Variants in CTBP1 observed in about 807,000 individuals in gnomAD.
CTBP1 encodes C-terminal binding protein 1.
A neutral mutation model predicts 42.1 loss-of-function variants in CTBP1; 11 were observed. That is an observed-to-expected ratio of 0.26 (90% CI 0.16 to 0.43). CTBP1 has a LOEUF of 0.43. Among genes scored for constraint, CTBP1 ranks in the 20% least tolerant of loss-of-function variants. The probability of loss-of-function intolerance (pLI) is 1.00; values close to 1 mark genes in which losing one functional copy is unlikely to be tolerated. For missense variants in CTBP1, 399 were observed against 624.3 expected, an observed-to-expected ratio of 0.64 and a Z score of 3.85; for synonymous variants, 324 against 277.1, an observed-to-expected ratio of 1.17 and a Z score of -1.68.
At position 1,216,083 on chromosome 4, in the gene CTBP1, G is replaced by C. The variant is rs749461434; in HGVS notation, c.637C>G (p.Gln213Glu). 1 of 1,611,570 alleles carries C rather than the reference G, an allele frequency of 6.2e-7. No individual in the cohort carries two copies. The highest frequency in any genetic ancestry group is 8.5e-7 in the Non-Finnish European group (1 of 1,179,916). The change falls in exon 6 of 10, where the codon CAG becomes GAG. Residue 213 changes from glutamine (Q) to glutamate (E), a missense_variant. By Grantham distance (29) the Gln-to-Glu change is conservative (BLOSUM62 2). This residue lies in a region of CTBP1 where 309 missense variants were observed against 497.5 expected (regional missense o/e 0.62). Transcript: ENST00000382952. ...ALGLQRVSTL[Q>E]DLLFHSDCVT... is the part of the protein sequence containing the mutation. ...CAGTCGCTGTGGAAGAGCAGGTCCT[G>C]CAGGGTGCTGACACGCTGCAGCCCC...
At chr4:1,226,850 C>A (rs1410406808) in intron 4 of CTBP1, among the ~76,000 whole-genome samples, 1 of 151,786 alleles carries the variant, frequency 6.6e-6, no homozygotes, top group Non-Finnish European at 1.5e-5. Context: ...GAAGCCAGTG[C>A]AGGAGACCCC....
chr4:1,244,363 G>GGGGT (rs1178936580), intron 1 of CTBP1: 5 of 984,082 alleles, frequency 5.1e-6, no homozygotes, highest in Non-Finnish European at 6.0e-6. Context: ...CTGGGGGGGG[G>GGGGT]GTGTTCCAGG....
intron 1 of CTBP1, chr4:1,243,289 T>C (rs2170321): frequency 4.1e-6 from 4 of 985,196 alleles, no homozygotes; most frequent in Admixed American, 6.2e-5. Context: ...AAGGCCACCC[T>C]GGCCCTCCTG....
At chr4:1,215,358 C>T (rs1427478300) in intron 6 of CTBP1, among the ~76,000 whole-genome samples, 1 of 152,254 alleles carries the variant, frequency 6.6e-6, no homozygotes, top group East Asian at 1.9e-4. Context: ...AACATGCAGA[C>T]ACATGCACCC....
At position 1,241,566 on chromosome 4, in the gene CTBP1, G is replaced by T. The variant is rs569145126; in HGVS notation, c.-188-47C>A. 1.1e-5 allele frequency: 16 copies of T among 1,522,678 alleles called. No homozygotes were observed. In the African/African-American group the frequency reaches 2.1e-4, roughly 20 times the overall value. The allele number at this position is 1,522,678 out of a possible 1,614,324, so 94.3% of individuals were successfully genotyped here. ...CACATTAAAATGCCATCGAAGGTCC[G>T]ACCAGAACTCACAGACTCCAGGGAA... On this transcript the variant is annotated intron_variant, in intron 1 of 9. Coordinates refer to ENST00000382952, the MANE Select transcript of CTBP1 (RefSeq NM_001012614.2).
chr4:1,248,758 C>T, intron 1 of CTBP1, 158 bp downstream of exon 1: 1 of 976,918 alleles, frequency 1.0e-6, no homozygotes, highest in Non-Finnish European at 1.2e-6. Flanking sequence ...CGCCCCCGAC[C>T]GCGGCCACGC....
rs182017336 is a variant in CTBP1, at chr4:1,215,804, T to C, written c.729+187A>G. ...GTATTTTAGATGTCCTGAGTAGAACTCAGAACACAGAAAACGCTGTCTGGG... is the reference window on the plus strand; with the variant it reads ...GTATTTTAGATGTCCTGAGTAGAACCCAGAACACAGAAAACGCTGTCTGGG... On this transcript the variant is annotated intron_variant, in intron 6 of 9. Coordinates refer to ENST00000382952, the MANE Select transcript of CTBP1 (RefSeq NM_001012614.2). 15 of 626,302 alleles carry C rather than the reference T, an allele frequency of 2.4e-5. No individual in the cohort carries two copies. The Admixed American group carries it at 4.3e-4, about 18-fold the overall frequency. 38.8% of individuals were successfully genotyped at this position (626,302 alleles called of 1,614,324 possible). A position where few individuals can be genotyped will look rare whatever the true frequency, so the allele number is the denominator to read the frequency against.
In CTBP1 at chr4:1,211,695, A is replaced by G. The variant is rs1340739576; in HGVS notation, c.*545T>C. 3 of 152,256 alleles carry G rather than the reference A, an allele frequency of 2.0e-5. No homozygotes were observed. Among genetic ancestry groups the G allele is most frequent in the Non-Finnish European group, 4.4e-5 (3 of 68,032 alleles). 9.4% of individuals were successfully genotyped at this position (152,256 alleles called of 1,614,324 possible). ...CTTCATTTGGAACAAGGGGGGGTTC[A>G]TGCCAAAATTAGGAAAAACAGCCTT... On this transcript the variant is annotated 3_prime_UTR_variant, in exon 10 of 10. Coordinates refer to ENST00000382952, the MANE Select transcript of CTBP1 (RefSeq NM_001012614.2).
intron 4 of CTBP1, 114 bp downstream of exon 4, chr4:1,228,085 C>A: frequency 6.9e-7 from 1 of 1,448,202 alleles, no homozygotes; most frequent in South Asian, 1.3e-5. Flanking sequence ...CCGCCAGCCA[C>A]ACCAGGCAAT....
upstream of CTBP1, chr4:1,250,278 C>T (rs1440257633): frequency 9.0e-6 from 2 of 223,040 alleles, no homozygotes; most frequent in Non-Finnish European, 1.8e-5. Context: ...GGCCCTCAGC[C>T]AGACCTGCCC....
intron 1 of CTBP1, among the ~76,000 whole-genome samples, chr4:1,248,063 C>T (rs954114708): frequency 2.0e-5 from 3 of 152,218 alleles, no homozygotes; most frequent in Admixed American, 6.5e-5. Flanking sequence ...CCTTTGCAGC[C>T]GGGTCGAGGG....
rs1731837693 is a variant in CTBP1, at chr4:1,238,695, A to G, written c.8-358T>C. On this transcript the variant is annotated intron_variant, in intron 2 of 9. Coordinates refer to ENST00000382952, the MANE Select transcript of CTBP1 (RefSeq NM_001012614.2). This position sits in a 1 kb window ranked among gnomAD's most constrained non-coding sequence, Gnocchi z 5.9. ...CCAAGACCCTCCGAGACCCCCCAAG[A>G]AATCTCCAGACCCTCTGAGAACCTC... Among the ~76,000 whole-genome samples, 1 of 149,624 alleles carries G rather than the reference A, an allele frequency of 6.7e-6. No homozygotes were observed. The highest frequency in any genetic ancestry group is 2.2e-4 in the South Asian group (1 of 4,544).
At chr4:1,245,392 T>C (rs1732612204) in intron 1 of CTBP1, 2 of 985,280 alleles carry the variant, frequency 2.0e-6, no homozygotes, top group Non-Finnish European at 2.4e-6. Flanking sequence ...TCCTGGCTCC[T>C]ACCACATGTG....
chr4:1,214,611 G>T (rs1034926065), intron 6 of CTBP1, 138 bp from the exon 7 acceptor site: 6 of 1,163,944 alleles, frequency 5.2e-6, no homozygotes, highest in Admixed American at 3.6e-5. Context: ...GGCTCACCAC[G>T]GCGCTAGGAC....
chr4:1,245,653 T>C, intron 1 of CTBP1: 9 of 972,204 alleles, frequency 9.3e-6, no homozygotes, highest in Non-Finnish European at 1.1e-5. Flanking sequence ...ACGGGCAGGG[T>C]GACACGGGCG....
chr4:1,214,173 C>A, intron 7 of CTBP1, 170 bp downstream of exon 7: 1 of 837,524 alleles, frequency 1.2e-6, no homozygotes, highest in South Asian at 2.2e-5. Flanking sequence ...GGCCTAGAGC[C>A]CGTGGCTCCA....
Position 1,235,650 on chromosome 4 carries a change from G to A in CTBP1, c.162+2533C>T, listed in dbSNP as rs1443266588. ...AGTCATCAGCTCTTCGTCGGTGTCT[G>A]GCCCAGCCTCCTGGGGGCTGGGCTG... On this transcript the variant is annotated intron_variant, in intron 3 of 9. Coordinates refer to ENST00000382952, the MANE Select transcript of CTBP1 (RefSeq NM_001012614.2). The surrounding 1 kb of genome is among the most constrained non-coding windows in gnomAD (Gnocchi z 4.2). 1 of 152,208 alleles carries A rather than the reference G, an allele frequency of 6.6e-6. No homozygotes were observed. Among genetic ancestry groups the A allele is most frequent in the African/African-American group, 2.4e-5 (1 of 41,444 alleles). 9.4% of individuals were successfully genotyped at this position (152,208 alleles called of 1,614,324 possible).
rs1157523970 is a variant in CTBP1 at position 1,248,772 on chromosome 4, G to GACGCCGGCGCGC, written c.-189+132_-189+143dup. 5.2e-6 allele frequency: 5 copies of GACGCCGGCGCGC among 968,936 alleles called. No homozygotes were observed. In the African/African-American group the frequency reaches 5.4e-5, roughly 10 times the overall value. The allele number at this position is 968,936 out of a possible 1,614,324, so 60.0% of individuals were successfully genotyped here. On this transcript the variant is annotated intron_variant, in intron 1 of 9. Transcript: ENST00000382952. ...CCGCCCCCGACCGCGGCCACGCGCG[G>GACGCCGGCGCGC]ACGCCGGCGCGCACGCGCACTCGCA...
chr4:1,228,077 G>A (rs920127586), intron 4 of CTBP1, 122 bp downstream of exon 4: 38 of 1,396,140 alleles, frequency 2.7e-5, no homozygotes, highest in Middle Eastern at 1.9e-4. Context: ...ACGAACCACC[G>A]CCAGCCACAC....
Sources: allele counts gnomAD v4.1 joint callset (sites outside exome capture counted in the v4.1 genomes callset), GRCh38; gene constraint gnomAD v4.1.1; regional missense constraint gnomAD v4.1.1; non-coding constraint Gnocchi (gnomAD v3.1); transcripts MANE v1.5; gene names NCBI Gene and HGNC (gene_info 2026-07-23, HGNC 2026-07-21).